ODF2: variants seen among roughly 807,000 people sequenced by gnomAD.
The protein encoded by ODF2 is outer dense fiber protein 2.
Under a neutral mutation model 110.2 loss-of-function variants are expected in ODF2, and 47 were observed. The observed-to-expected ratio is 0.43, with a 90% CI of 0.34 to 0.54. The LOEUF (loss-of-function observed/expected upper bound fraction) is 0.54. Ranked by LOEUF, ODF2 falls within the 20% of genes least tolerant of loss-of-function variation. The pLI is 0.03. For missense variants in ODF2, 812 were observed against 1,054.5 expected (o/e 0.77, Z 3.19); for synonymous variants, 352 against 397.7 (o/e 0.89, Z 1.37).
chr9:128,456,135 G>A (rs750945935), upstream of ODF2: 5 of 1,547,940 alleles, frequency 3.2e-6, no homozygotes, highest in African/African-American at 2.7e-5. Flanking sequence ...AGGCGGAAGC[G>A]GGGAGGAGCC....
upstream of ODF2, among the ~76,000 whole-genome samples, chr9:128,455,715 C>T (rs2131369784): frequency 6.6e-6 from 1 of 152,232 alleles, no homozygotes; most frequent in South Asian, 2.1e-4. Context: ...GACTCCATCT[C>T]CGCATTAATA....
At chr9:128,465,307 G>A (rs1266888442) in intron 4 of ODF2, among the ~76,000 whole-genome samples, 1 of 152,198 alleles carries the variant, frequency 6.6e-6, no homozygotes, top group East Asian at 1.9e-4. Context: ...GCCCCTGGAG[G>A]TGGAAGTTTG....
chr9:128,486,779 G>C (rs909279994), intron 13 of ODF2, among the ~76,000 whole-genome samples: 15 of 152,194 alleles, frequency 9.9e-5, no homozygotes, highest in African/African-American at 3.6e-4. Context: ...GCCTGTGTTA[G>C]GTGAGTGTTC....
intron 4 of ODF2, among the ~76,000 whole-genome samples, chr9:128,462,160 T>C (rs1039607435): frequency 3.3e-5 from 5 of 151,976 alleles, no homozygotes; most frequent in African/African-American, 1.2e-4. Context: ...TTTTTTTTTT[T>C]CCGAAATGGA....
rs7865449 is a variant in ODF2, at chr9:128,484,269, C to T, written c.1104+215C>T. 3.6e-3 allele frequency among the ~76,000 whole-genome samples: 544 copies of T among 152,304 alleles called. 3 individuals are homozygous for T. The highest frequency in any genetic ancestry group is 0.012 in the African/African-American group (500 of 41,580). On this transcript the variant is annotated intron_variant, in intron 11 of 20. Transcript: ENST00000604420. ...TGTTGGGCATCCTTCCCAACAGTGA[C>T]GGGGTTGCGTGCCATGCCCCCCAGG...
Position 128,494,384 on chromosome 9 carries a change from G to T in ODF2, c.1753-126G>T. 1.3e-6 allele frequency: 1 copy of T among 788,106 alleles called. No individual in the cohort carries two copies. Among genetic ancestry groups the T allele is most frequent in the Non-Finnish European group, 2.0e-6 (1 of 490,042 alleles). The allele number at this position is 788,106 out of a possible 1,614,324, so 48.8% of individuals were successfully genotyped here. A position where few individuals can be genotyped will look rare whatever the true frequency, so the allele number is the denominator to read the frequency against. The stretch of plus-strand genomic sequence containing the variant: ...CACACTTCTGCTGTGGATTTTGCAG[G>T]ATCCTCCACTGGGGACTGTGTCAGC... On this transcript the variant is annotated intron_variant, in intron 16 of 20. Transcript: ENST00000604420. The surrounding 1 kb of genome is among the most constrained non-coding windows in gnomAD (Gnocchi z 4.6).
exon 6 of ODF2, chr9:128,471,310 C>G (rs1839951755): frequency 1.2e-6 from 2 of 1,608,184 alleles, no homozygotes; most frequent in African/African-American, 1.3e-5. Flanking sequence ...CTGCTCAGGT[C>G]AAGATGCAAA....
chr9:128,469,558 G>A, intron 5 of ODF2: 1 of 585,082 alleles, frequency 1.7e-6, no homozygotes, highest in African/African-American at 1.9e-5. Flanking sequence ...TCTCTATTGA[G>A]CATGTAGCTG....
At chr9:128,467,985 G>A (rs776297438) in intron 4 of ODF2, among the ~76,000 whole-genome samples, 69 of 151,878 alleles carry the variant, frequency 4.5e-4, no homozygotes, top group East Asian at 1.9e-4. Context: ...ATGAGCCACC[G>A]CTCCTGGCCC....
At chr9:128,458,483 GC>G (rs1364345330) in intron 2 of ODF2, among the ~76,000 whole-genome samples, 4 of 147,024 alleles carry the variant, frequency 2.7e-5, no homozygotes, top group Non-Finnish European at 4.5e-5. Context: ...AAAAAAAAAG[GC>G]CAGGAGATGG....
Position 128,456,919 on chromosome 9 carries a change from C to T in ODF2, c.-208-279C>T, listed in dbSNP as rs1835010841. The T allele has an allele frequency of 5.6e-6, 7 of 1,260,744 alleles. No individual in the cohort carries two copies. The South Asian group carries it at 1.0e-4, about 18-fold the overall frequency. The allele number at this position is 1,260,744 out of a possible 1,614,324, so 78.1% of individuals were successfully genotyped here. ...TCGGGCATCTGTTCTTCCGTAACGC[C>T]CCTTCTCCTAGGAGACAGTTGTCCG... On this transcript the variant is annotated intron_variant, in intron 1 of 20. Coordinates refer to ENST00000604420, the Ensembl canonical transcript of ODF2.
chr9:128,460,885 C>T (rs1346427145), intron 3 of ODF2, 57 bp from the exon 4 acceptor site: 13 of 1,610,094 alleles, frequency 8.1e-6, no homozygotes, highest in Middle Eastern at 1.6e-4. Flanking sequence ...ATGTCACTAG[C>T]GTGGCACCGT....
At chr9:128,460,722 A>G in intron 3 of ODF2, 56 bp downstream of exon 3, 1 of 1,603,400 alleles carries the variant, frequency 6.2e-7, no homozygotes, top group Non-Finnish European at 8.5e-7. Context: ...GATCCTGCTA[A>G]GCCCAGCCTC....
exon 2 of ODF2, chr9:128,457,342 C>A: frequency 1.2e-6 from 2 of 1,611,500 alleles, no homozygotes; most frequent in Admixed American, 3.3e-5. Context: ...GCCTGCCCCT[C>A]TGGGTCCCCC....
intron 4 of ODF2, among the ~76,000 whole-genome samples, chr9:128,467,014 AATATATATATATATATATATATATATAT>A (rs1387586322): frequency 4.0e-4 from 10 of 24,786 alleles, no homozygotes; most frequent in Admixed American, 8.1e-4. Context: ...AAAAAAAAAA[AATATATATATATATATATATATATATAT>A]ATATATATAT....
chr9:128,471,493 C>G, intron 6 of ODF2, 25 bp downstream of exon 6: 1 of 1,605,320 alleles, frequency 6.2e-7, no homozygotes, highest in Non-Finnish European at 8.5e-7. Flanking sequence ...GCTCTGTCCC[C>G]GCTGATCTAT....
At chr9:128,492,329 G>T in intron 14 of ODF2, 97 bp from the exon 15 acceptor site, 1 of 819,172 alleles carries the variant, frequency 1.2e-6, no homozygotes, top group South Asian at 1.4e-5. Context: ...TAGAGTAGGG[G>T]GCCTTTCCTT....
chr9:128,488,076 G>A, intron 14 of ODF2, 51 bp downstream of exon 14: 1 of 1,608,064 alleles, frequency 6.2e-7, no homozygotes, highest in Non-Finnish European at 8.5e-7. Flanking sequence ...CCAGCGAGCT[G>A]ATGAGGGGTC....
chr9:128,455,553 CAAAAAAAAAAAAAAAAAAAAA>C (rs55634490), upstream of ODF2, among the ~76,000 whole-genome samples: 1,240 of 56,806 alleles, frequency 0.022, 25 homozygotes, highest in Middle Eastern at 0.062. Flanking sequence ...GAATCTGTCT[CAAAAAAAAAAAAAAAAAAAAA>C]AAAAAAAAAA....
Sources: gnomAD v4.1 joint callset for allele counts (sites outside exome capture counted in the v4.1 genomes callset) on GRCh38, gnomAD v4.1.1 for gene constraint, Gnocchi (gnomAD v3.1) non-coding constraint, MANE v1.5 for transcripts, NCBI Gene and HGNC (gene_info 2026-07-23, HGNC 2026-07-21) for gene names.